The following SSR1 variants were observed in gnomAD, a reference collection of about 807,000 sequenced individuals.
SSR1 encodes the protein signal sequence receptor subunit 1, also known as translocon-associated protein subunit alpha.
SSR1 carries 13 observed loss-of-function variants against 36.1 expected under a neutral mutation model. The ratio of observed to expected loss-of-function variants is 0.36; its 90% CI spans 0.23 to 0.57. SSR1 has a LOEUF of 0.57. SSR1 is among the 20% of genes least tolerant of loss of function. The pLI, the probability that SSR1 is intolerant of heterozygous loss-of-function variation, is 0.81. For synonymous variants in SSR1, 113 were observed against 118.9 expected (o/e 0.95, Z 0.32); for missense variants, 291 against 338.5 (o/e 0.86, Z 1.10).
chr6:7,310,096 C>T, intron 1 of SSR1, 67 bp from the exon 2 acceptor site: 1 of 1,330,174 alleles, frequency 7.5e-7, no homozygotes, highest in Non-Finnish European at 1.1e-6. Flanking sequence ...TTTTTAACAT[C>T]AGGTATAGGC....
chr6:7,289,800 C>A lies in SSR1; in HGVS notation c.*64G>T. 6.8e-7 allele frequency: 1 copy of A among 1,463,320 alleles called. No individual in the cohort carries two copies. Among genetic ancestry groups the A allele is most frequent in the South Asian group, 1.3e-5 (1 of 74,824 alleles). The allele number at this position is 1,463,320 out of a possible 1,614,324, so 90.6% of individuals were successfully genotyped here. A position where few individuals can be genotyped will look rare whatever the true frequency, so the allele number is the denominator to read the frequency against. ...GTGACATGGCTTCTCTGCACTAATT[C>A]CCATCAGGCCGAAAAATATTAGGGC... On this transcript the variant is annotated 3_prime_UTR_variant, in exon 8 of 8. Transcript: ENST00000244763.
At chr6:7,302,627 T>C (rs1276951572) in intron 3 of SSR1, among the ~76,000 whole-genome samples, 5 of 151,820 alleles carry the variant, frequency 3.3e-5, no homozygotes, top group African/African-American at 4.8e-5. Context: ...CTGGGCGTGA[T>C]GGAGCGTGCC....
At chr6:7,297,418 G>T (rs1757824945) in intron 6 of SSR1, among the ~76,000 whole-genome samples, 1 of 152,044 alleles carries the variant, frequency 6.6e-6, no homozygotes, top group Non-Finnish European at 1.5e-5. Context: ...ATAAATAATT[G>T]TATGTGTGTA....
chr6:7,311,087 T>G (rs111884078), intron 1 of SSR1, among the ~76,000 whole-genome samples: 2 of 152,320 alleles, frequency 1.3e-5, no homozygotes, highest in African/African-American at 4.8e-5. Flanking sequence ...AAACATTGTT[T>G]AGTAAAAACT....
chr6:7,295,143 A>C (rs1561830570), intron 7 of SSR1: 1 of 1,511,242 alleles, frequency 6.6e-7, no homozygotes, highest in Non-Finnish European at 8.8e-7. Context: ...ATGGATTAGG[A>C]ACACAGAAAA....
Position 7,287,070 on chromosome 6 carries a change from A to T in SSR1, c.*2794T>A, listed in dbSNP as rs1354939612. On this transcript the variant is annotated 3_prime_UTR_variant, in exon 8 of 8. Transcript: ENST00000244763. ...CTGAGTTTTAAAAAATTATTTCAGT[A>T]TTCAAATGCACAAACCAAGTCAATT... 1 of 152,208 alleles carries T rather than the reference A, an allele frequency of 6.6e-6. No homozygotes were observed. Among genetic ancestry groups the T allele is most frequent in the Admixed American group, 6.5e-5 (1 of 15,276 alleles). 9.4% of individuals were successfully genotyped at this position (152,208 alleles called of 1,614,324 possible).
chr6:7,287,610 C>T lies in SSR1; in HGVS notation c.*2254G>A, dbSNP rs902652462. ...TATGAACACATTATTCTCACACATC[C>T]GGGGATAGGTTTGATACACAAGATC... On this transcript the variant is annotated 3_prime_UTR_variant, in exon 8 of 8. Transcript: ENST00000244763. The T allele has an allele frequency of 3.3e-5, 5 of 152,236 alleles. No homozygotes were observed. Among genetic ancestry groups the T allele is most frequent in the Non-Finnish European group, 7.4e-5 (5 of 68,026 alleles). The allele number at this position is 152,236 out of a possible 1,614,324, so 9.4% of individuals were successfully genotyped here. A position where few individuals can be genotyped will look rare whatever the true frequency, so the allele number is the denominator to read the frequency against.
At chr6:7,299,111 A>C (rs550828108) in intron 4 of SSR1, among the ~76,000 whole-genome samples, 12 of 139,566 alleles carry the variant, frequency 8.6e-5, no homozygotes, top group African/African-American at 3.2e-4. Flanking sequence ...TTGTGAGTCC[A>C]GCCTAGCAAA....
chr6:7,307,733 G>A (rs1319075854), intron 2 of SSR1, among the ~76,000 whole-genome samples: 1 of 152,048 alleles, frequency 6.6e-6, no homozygotes, highest in African/African-American at 2.4e-5. Context: ...CACTATTTTG[G>A]CCAGGCGGTC....
In SSR1 at chr6:7,295,400, T is replaced by G. The variant is rs1443853464; in HGVS notation, c.785A>C (p.Asn262Thr). The change falls in exon 7 of 8, where the codon AAT (asparagine) becomes ACT (threonine). Residue 262 changes from asparagine to threonine, a missense_variant. Physicochemically the swap from Asn to Thr is moderately conservative, Grantham distance 65. Transcript: ENST00000244763. Reference sequence around the variant, plus strand: ...TCTGTAAGACTACTTACTGATTTGATTCAATGTTTCCTGAGGAATCCAACT... The same window carrying G: ...TCTGTAAGACTACTTACTGATTTGAGTCAATGTTTCCTGAGGAATCCAACT... ...DMSWIPQETL[N>T]QINKASPRRL... 6.8e-6 allele frequency: 11 copies of G among 1,610,158 alleles called. No homozygotes were observed. Among genetic ancestry groups the G allele is most frequent in the Non-Finnish European group, 9.3e-6 (11 of 1,178,460 alleles).
intron 7 of SSR1, among the ~76,000 whole-genome samples, chr6:7,290,677 G>GA (rs1554132605): frequency 1.3e-5 from 2 of 149,708 alleles, no homozygotes; most frequent in Non-Finnish European, 1.5e-5. Context: ...ATTTCGTATT[G>GA]TTTTTTTTTG....
Position 7,286,556 on chromosome 6 carries a change from T to C in SSR1, c.*3308A>G, listed in dbSNP as rs957225247. The C allele has an allele frequency of 3.3e-5, 5 of 152,184 alleles. No homozygotes were observed. The highest frequency in any genetic ancestry group is 5.9e-5 in the Non-Finnish European group (4 of 68,038). The allele number at this position is 152,184 out of a possible 1,614,324, so 9.4% of individuals were successfully genotyped here. On this transcript the variant is annotated 3_prime_UTR_variant, in exon 8 of 8. Transcript: ENST00000244763. The stretch of plus-strand genomic sequence containing the variant: ...TAAGAGCTCAAAGTAGAGTTTTACT[T>C]AAGAAAATTGGGGCAAACATTGATT...
At chr6:7,310,963 A>AG (rs1363752180) in intron 1 of SSR1, among the ~76,000 whole-genome samples, 3 of 152,234 alleles carry the variant, frequency 2.0e-5, no homozygotes, top group African/African-American at 7.2e-5. Context: ...TGTTCTATGT[A>AG]GGAAACACTG....
In SSR1 at chr6:7,313,144, T is replaced by C. The variant is rs752639895; in HGVS notation, c.-24A>G. 1.9e-6 allele frequency: 3 copies of C among 1,591,508 alleles called. No homozygotes were observed. Among genetic ancestry groups the C allele is most frequent in the Admixed American group, 1.7e-5 (1 of 57,630 alleles). ...ATGGCGCTGCCGGTCCAGTGTCCAG[T>C]TTCCGTCGGCTAAGGCTCTCGGCGG... On this transcript the variant is annotated 5_prime_UTR_variant, in exon 1 of 8. Coordinates refer to ENST00000244763, the MANE Select transcript of SSR1 (RefSeq NM_003144.5).
At chr6:7,290,964 G>A (rs779840388) in intron 7 of SSR1, among the ~76,000 whole-genome samples, 4 of 129,370 alleles carry the variant, frequency 3.1e-5, no homozygotes, top group Non-Finnish European at 5.3e-5. Flanking sequence ...CACGATCTCC[G>A]CTCTCCACCT....
intron 6 of SSR1, among the ~76,000 whole-genome samples, chr6:7,296,442 TTC>T (rs1460897124): frequency 6.6e-6 from 1 of 152,202 alleles, no homozygotes; most frequent in Non-Finnish European, 1.5e-5. Flanking sequence ...CACAAAGTAT[TTC>T]TCTTTTAAAG....
chr6:7,305,661 G>T (rs1758037970), intron 2 of SSR1, among the ~76,000 whole-genome samples: 1 of 152,210 alleles, frequency 6.6e-6, no homozygotes, highest in African/African-American at 2.4e-5. Flanking sequence ...CAGGTGGAAG[G>T]GTTAGCCTTA....
chr6:7,306,106 T>C (rs1455705066), intron 2 of SSR1, among the ~76,000 whole-genome samples: 1 of 152,248 alleles, frequency 6.6e-6, no homozygotes, highest in African/African-American at 2.4e-5. Flanking sequence ...TTCTGAGCCA[T>C]TTGAATATAT....
At chr6:7,292,226 C>G (rs935417769) in intron 7 of SSR1, among the ~76,000 whole-genome samples, 3 of 152,220 alleles carry the variant, frequency 2.0e-5, no homozygotes, top group African/African-American at 7.2e-5. Context: ...GTTTTTCACA[C>G]TCAGCATAGC....
Sources: gnomAD v4.1 joint callset for allele counts (sites outside exome capture counted in the v4.1 genomes callset) on GRCh38, gnomAD v4.1.1 for gene constraint, MANE v1.5 for transcripts, NCBI Gene and HGNC (gene_info 2026-07-23, HGNC 2026-07-21) for gene names.